Variants in SMAD5 observed in about 807,000 individuals in gnomAD.
SMAD5 encodes MAD, mothers against decapentaplegic homolog 5.
Under a neutral mutation model 43.1 loss-of-function variants are expected in SMAD5, and 9 were observed. The ratio of observed to expected loss-of-function variants is 0.21; its 90% CI spans 0.13 to 0.36. The LOEUF (loss-of-function observed/expected upper bound fraction) is 0.36. Ranked by LOEUF, SMAD5 falls within the 10% of genes least tolerant of loss-of-function variation. The probability of loss-of-function intolerance (pLI) is 1.00; values close to 1 mark genes in which losing one functional copy is unlikely to be tolerated. For synonymous variants in SMAD5, 190 were observed against 192.4 expected (o/e 0.99, Z 0.10); for missense variants, 348 against 574.0 (o/e 0.61, Z 4.02).
At position 136,163,413 on chromosome 5, in the gene SMAD5, T is replaced by C. The variant is rs369875590; in HGVS notation, c.775+22T>C. On this transcript the variant is annotated intron_variant, in intron 5 of 7. Transcript: ENST00000545279. ...AGGGGTAAGAGAAGTACTCACTTCA[T>C]TTATTTTATAGTAGTAGTTGTTTTT... 5.1e-6 allele frequency: 8 copies of C among 1,566,040 alleles called. No individual in the cohort carries two copies. The African/African-American group carries it at 9.6e-5, about 19-fold the overall frequency.
intron 5 of SMAD5, 130 bp from the exon 6 acceptor site, chr5:136,172,304 A>T: frequency 1.7e-6 from 1 of 593,468 alleles, no homozygotes; most frequent in Non-Finnish European, 3.0e-6. Context: ...TAGGAAGGAC[A>T]GTGAGACTTG....
At chr5:136,170,447 C>G (rs1227598424) in intron 5 of SMAD5, among the ~76,000 whole-genome samples, 1 of 151,886 alleles carries the variant, frequency 6.6e-6, no homozygotes, top group Non-Finnish European at 1.5e-5. Context: ...ATCTGTTTGT[C>G]TGTTCTTTTA....
chr5:136,143,750 A>C (rs1387423789), intron 1 of SMAD5, among the ~76,000 whole-genome samples: 1 of 151,770 alleles, frequency 6.6e-6, no homozygotes, highest in African/African-American at 2.4e-5. Context: ...CCTCATCCTT[A>C]AGCTCCTATT....
intron 4 of SMAD5, 24 bp downstream of exon 4, chr5:136,161,131 CAAAA>C: frequency 1.4e-6 from 2 of 1,419,014 alleles, no homozygotes; most frequent in Non-Finnish European, 1.9e-6. Flanking sequence ...TTATTGATAC[CAAAA>C]AAAAAAAAAT....
rs1338171773 is a variant in SMAD5, at chr5:136,163,310, C to G, written c.694C>G (p.Gln232Glu). 4 of 1,610,962 alleles carry G rather than the reference C, an allele frequency of 2.5e-6. No individual in the cohort carries two copies. Among genetic ancestry groups the G allele is most frequent in the African/African-American group, 2.7e-5 (2 of 74,798 alleles). The change falls in exon 5 of 8, where the codon CAG becomes GAG. Residue 232 changes from glutamine (Q) to glutamate (E), a missense_variant. By Grantham distance (29) the Gln-to-Glu change is conservative. Around this residue, in one of 5 missense-constraint regions of SMAD5, gnomAD observed 185 missense variants for 207.0 expected, o/e 0.89. Coordinates refer to ENST00000545279, the MANE Select transcript of SMAD5 (RefSeq NM_005903.7). Reference sequence around the variant, plus strand: ...TCCTGCCTATATGCCACCTGATGATCAGATGGGTCAAGATAATTCCCAGCC... The same window carrying G: ...TCCTGCCTATATGCCACCTGATGATGAGATGGGTCAAGATAATTCCCAGCC... ...PPPAYMPPDDQMGQDNSQPMD... is the reference protein window; with the variant it reads ...PPPAYMPPDDEMGQDNSQPMD...
intron 2 of SMAD5, among the ~76,000 whole-genome samples, chr5:136,152,322 C>T (rs557382621): frequency 3.3e-5 from 5 of 152,122 alleles, no homozygotes; most frequent in Non-Finnish European, 7.4e-5. Flanking sequence ...TGGCTATTCA[C>T]AATACATGGG....
At position 136,177,709 on chromosome 5, in the gene SMAD5, T is replaced by C. The variant is rs1448875671; in HGVS notation, c.*229T>C. On this transcript the variant is annotated 3_prime_UTR_variant, in exon 8 of 8. Coordinates refer to ENST00000545279, the MANE Select transcript of SMAD5 (RefSeq NM_005903.7). ...TGTAAAAGATGCAGAGTAAGTATTA[T>C]GCCCCAGTTCAGAAATTTGGCATTG... is the stretch of plus-strand genomic sequence containing the variant. The C allele has an allele frequency of 2.4e-6, 1 of 421,864 alleles. No individual in the cohort carries two copies. Among genetic ancestry groups the C allele is most frequent in the African/African-American group, 2.1e-5 (1 of 48,772 alleles). The allele number at this position is 421,864 out of a possible 1,614,324, so 26.1% of individuals were successfully genotyped here.
At chr5:136,162,695 A>G (rs886182313) in intron 4 of SMAD5, among the ~76,000 whole-genome samples, 2 of 152,164 alleles carry the variant, frequency 1.3e-5, no homozygotes, top group African/African-American at 4.8e-5. Context: ...AAACTCAAAG[A>G]TTTTCTAGTT....
intron 6 of SMAD5, among the ~76,000 whole-genome samples, chr5:136,173,454 G>T (rs1754294953): frequency 6.6e-6 from 1 of 152,060 alleles, no homozygotes; most frequent in Admixed American, 6.6e-5. Flanking sequence ...ATTTCTTATA[G>T]AAGTGATTCA....
intron 5 of SMAD5, among the ~76,000 whole-genome samples, chr5:136,171,276 C>T (rs1316849743): frequency 1.3e-5 from 2 of 152,184 alleles, no homozygotes; most frequent in African/African-American, 4.8e-5. Flanking sequence ...AATAATTTTA[C>T]AGATACTGAT....
At chr5:136,174,763 A>G in intron 7 of SMAD5, 131 bp downstream of exon 7, 1 of 620,650 alleles carries the variant, frequency 1.6e-6, no homozygotes. Context: ...GTTTTTAAAT[A>G]AAATTATTGA....
chr5:136,155,878 A>C (rs1753619042), intron 3 of SMAD5, among the ~76,000 whole-genome samples: 1 of 152,202 alleles, frequency 6.6e-6, no homozygotes, highest in South Asian at 2.1e-4. Context: ...GGTGATGCTC[A>C]GTAAATTTTT....
intron 7 of SMAD5, among the ~76,000 whole-genome samples, chr5:136,175,618 A>G (rs1754388379): frequency 2.0e-5 from 3 of 152,236 alleles, no homozygotes; most frequent in Admixed American, 6.5e-5. Flanking sequence ...CTGTATCTAC[A>G]TATTTAAGCA....
intron 6 of SMAD5, 50 bp downstream of exon 6, chr5:136,172,705 C>G (rs760118432): frequency 3.6e-5 from 45 of 1,254,786 alleles, no homozygotes; most frequent in Non-Finnish European, 5.2e-5. Flanking sequence ...ATTTGTTGTA[C>G]TTGCCATGAA....
chr5:136,164,920 G>GT (rs1203895741), intron 5 of SMAD5, among the ~76,000 whole-genome samples: 1 of 152,124 alleles, frequency 6.6e-6, no homozygotes, highest in East Asian at 1.9e-4. Flanking sequence ...TCTACATTAA[G>GT]TTTTTTGCAT....
chr5:136,137,966 T>C (rs1752944697), intron 1 of SMAD5, among the ~76,000 whole-genome samples: 2 of 152,226 alleles, frequency 1.3e-5, no homozygotes, highest in Admixed American at 6.5e-5. Flanking sequence ...TGATTTGGTA[T>C]CTGCACTTGA....
intron 3 of SMAD5, among the ~76,000 whole-genome samples, chr5:136,155,534 C>T (rs1753606387): frequency 6.6e-6 from 1 of 152,160 alleles, no homozygotes; most frequent in Non-Finnish European, 1.5e-5. Flanking sequence ...TAAATCATGT[C>T]AGTTCCTACT....
intron 1 of SMAD5, among the ~76,000 whole-genome samples, chr5:136,135,399 C>CCCA (rs1194247786): frequency 1.3e-5 from 2 of 152,154 alleles, no homozygotes; most frequent in African/African-American, 4.8e-5. Flanking sequence ...TCATCATGAA[C>CCCA]CCAAACATTA....
At chr5:136,160,260 G>T (rs1753781397) in intron 3 of SMAD5, among the ~76,000 whole-genome samples, 1 of 152,140 alleles carries the variant, frequency 6.6e-6, no homozygotes, top group Non-Finnish European at 1.5e-5. Context: ...TAAAACATGA[G>T]ATCTTTCAAA....
Sources: gnomAD v4.1 joint callset for allele counts (sites outside exome capture counted in the v4.1 genomes callset) on GRCh38, gnomAD v4.1.1 for gene constraint, gnomAD v4.1.1 regional missense constraint, MANE v1.5 for transcripts, NCBI Gene and HGNC (gene_info 2026-07-23, HGNC 2026-07-21) for gene names.